STT3A: variants seen among roughly 807,000 people sequenced by gnomAD.
STT3A encodes the protein dolichyl-diphosphooligosaccharide--protein glycosyltransferase subunit STT3A.
Under a neutral mutation model 89.2 loss-of-function variants are expected in STT3A, and 34 were observed. That is an observed-to-expected ratio of 0.38 (90% CI 0.29 to 0.51). The LOEUF (loss-of-function observed/expected upper bound fraction) is 0.51. Ranked by LOEUF, STT3A falls within the 20% of genes least tolerant of loss-of-function variation. STT3A has a pLI of 0.89. For synonymous variants in STT3A, 282 were observed against 310.3 expected, an observed-to-expected ratio of 0.91 and a Z score of 0.96; for missense variants, 555 against 889.5, an observed-to-expected ratio of 0.62 and a Z score of 4.78.
chr11:125,593,877 C>T (rs1021699825), intron 1 of STT3A, among the ~76,000 whole-genome samples: 1 of 152,020 alleles, frequency 6.6e-6, no homozygotes. Context: ...TTTTGTTTTT[C>T]TCCTTTATTC....
intron 10 of STT3A, among the ~76,000 whole-genome samples, chr11:125,610,553 T>TA (rs34820682): frequency 2.0e-5 from 3 of 151,142 alleles, no homozygotes; most frequent in Admixed American, 2.0e-4. Context: ...ACCCACGTCT[T>TA]AAAAAAAACA....
At position 125,620,904 on chromosome 11, in the gene STT3A, G is replaced by C; in HGVS notation, c.*94G>C. On this transcript the variant is annotated 3_prime_UTR_variant, in exon 18 of 18. Transcript: ENST00000392708. Reference sequence around the variant, plus strand: ...TTTTTTTTTTTTTAATATGCAGTTTGTAAGAACAAAACTGGATGGCATCAG... The same window carrying C: ...TTTTTTTTTTTTTAATATGCAGTTTCTAAGAACAAAACTGGATGGCATCAG... 9.4e-7 allele frequency: 1 copy of C among 1,062,864 alleles called. No individual in the cohort carries two copies. The highest frequency in any genetic ancestry group is 1.6e-5 in the South Asian group (1 of 63,936). The allele number at this position is 1,062,864 out of a possible 1,614,324, so 65.8% of individuals were successfully genotyped here.
intron 7 of STT3A, 103 bp from the exon 8 acceptor site, chr11:125,606,198 C>T: frequency 2.7e-6 from 3 of 1,099,336 alleles, no homozygotes; most frequent in South Asian, 3.1e-5. Flanking sequence ...GTTATAGTTA[C>T]TATAAGTGTT....
intron 16 of STT3A, 43 bp from the exon 17 acceptor site, chr11:125,619,968 T>C (rs765629128): frequency 9.2e-6 from 14 of 1,517,062 alleles, no homozygotes; most frequent in Middle Eastern, 1.7e-4. Context: ...TCTAGGAAAT[T>C]AGCACTGTAG....
At chr11:125,611,365 C>T in intron 10 of STT3A, 63 bp from the exon 11 acceptor site, 1 of 1,295,374 alleles carries the variant, frequency 7.7e-7, no homozygotes, top group Non-Finnish European at 1.1e-6. Context: ...AATGAAGATA[C>T]TTTACCTTGT....
chr11:125,613,221 G>A lies in STT3A; in HGVS notation c.1554+44G>A, dbSNP rs1430369672. 5.6e-6 allele frequency: 9 copies of A among 1,600,514 alleles called. No individual in the cohort carries two copies. In the Admixed American group the frequency reaches 1.0e-4, roughly 18 times the overall value. On this transcript the variant is annotated intron_variant, in intron 13 of 17. Transcript: ENST00000392708. This position sits in a 1 kb window ranked among gnomAD's most constrained non-coding sequence, Gnocchi z 4.2. ...TGGGAATTGTGGGTTAGGGGCAAAG[G>A]GGAAGACATTTGATGTTACAGTGAA...
At chr11:125,612,862 A>T in intron 12 of STT3A, 115 bp downstream of exon 12, 1 of 1,513,540 alleles carries the variant, frequency 6.6e-7, no homozygotes, top group South Asian at 1.3e-5. Flanking sequence ...AGGTGGTCAG[A>T]ATTAACTCAT....
upstream of STT3A, chr11:125,592,766 G>A (rs1184276888): frequency 7.1e-6 from 2 of 279,820 alleles, no homozygotes; most frequent in South Asian, 2.9e-5. Flanking sequence ...AGACAGTTCC[G>A]AGACCCTATC....
At chr11:125,602,679 T>C (rs2135917663) in intron 4 of STT3A, 124 bp from the exon 5 acceptor site, 3 of 1,317,974 alleles carry the variant, frequency 2.3e-6, no homozygotes, top group Non-Finnish European at 3.2e-6. Flanking sequence ...GCAGTTGCTA[T>C]GTTAGTATTT....
chr11:125,593,136 G>A (rs1323702739), intron 1 of STT3A: 1 of 153,230 alleles, frequency 6.5e-6, no homozygotes, highest in Non-Finnish European at 1.5e-5. Flanking sequence ...CTTGAGAACA[G>A]AGCGTGGGAA....
At chr11:125,602,044 G>A (rs1035645529) in intron 3 of STT3A, among the ~76,000 whole-genome samples, 1 of 152,068 alleles carries the variant, frequency 6.6e-6, no homozygotes, top group Non-Finnish European at 1.5e-5. Context: ...TGATCCACCT[G>A]CCTCGGACTC....
Position 125,609,507 on chromosome 11 carries a change from C to T in STT3A, c.1035C>T (p.Ile345=). 1 of 1,614,188 alleles carries T rather than the reference C, an allele frequency of 6.2e-7. No homozygotes were observed. Among genetic ancestry groups the T allele is most frequent in the South Asian group, 1.1e-5 (1 of 91,088 alleles). Residue 345 remains isoleucine, a synonymous_variant, in exon 10 of 18, where the codon ATC becomes ATT. Transcript: ENST00000392708. ...CTTATGCTAAGAACAACATCCCCATCATTGCTTCTGTGTCTGAGCATCAGC... is the reference window on the plus strand; with the variant it reads ...CTTATGCTAAGAACAACATCCCCATTATTGCTTCTGTGTCTGAGCATCAGC... ...DPSYAKNNIP[I]IASVSEHQPT... is the part of the protein sequence containing the mutation.
intron 8 of STT3A, 41 bp downstream of exon 8, chr11:125,606,506 T>A (rs1176170375): frequency 2.5e-6 from 4 of 1,580,458 alleles, no homozygotes; most frequent in African/African-American, 1.4e-5. Flanking sequence ...TTCTACTTTT[T>A]CTATGCAGCC....
At chr11:125,609,889 C>T (rs575602838) in intron 10 of STT3A, 19 of 315,452 alleles carry the variant, frequency 6.0e-5, no homozygotes, top group Non-Finnish European at 9.3e-5. Context: ...GTACTTCTGT[C>T]GTACTCCTTC....
intron 15 of STT3A, among the ~76,000 whole-genome samples, chr11:125,616,194 C>T (rs1191894647): frequency 6.6e-6 from 1 of 152,166 alleles, no homozygotes; most frequent in Non-Finnish European, 1.5e-5. Context: ...CACCCCTCAC[C>T]AGGATACCAG....
Position 125,604,145 on chromosome 11 carries a change from T to C in STT3A, c.418-12T>C. On this transcript the variant is annotated splice_polypyrimidine_tract_variant and intron_variant, in intron 5 of 17. Transcript: ENST00000392708. The stretch of plus-strand genomic sequence containing the variant: ...TTGGTGTTAATGTCTTATTACCCTT[T>C]TTTTCTTACAGGATGCAGGGGCTGG... 1 of 1,613,830 alleles carries C rather than the reference T, an allele frequency of 6.2e-7. No homozygotes were observed. The highest frequency in any genetic ancestry group is 8.5e-7 in the Non-Finnish European group (1 of 1,179,774).
rs1940372233 is a variant in STT3A at position 125,622,335 on chromosome 11, T to C, written c.*1525T>C. On this transcript the variant is annotated 3_prime_UTR_variant, in exon 18 of 18. Coordinates refer to ENST00000392708, the MANE Select transcript of STT3A (RefSeq NM_152713.5). The stretch of plus-strand genomic sequence containing the variant: ...TTTAGCCTCAAGATTTGATTTACTA[T>C]ATGTAAGTACATTACTTGATTTCTA... 6.6e-6 allele frequency: 1 copy of C among 152,238 alleles called. No homozygotes were observed. Among genetic ancestry groups the C allele is most frequent in the Non-Finnish European group, 1.5e-5 (1 of 68,038 alleles). The allele number at this position is 152,238 out of a possible 1,614,324, so 9.4% of individuals were successfully genotyped here. A position where few individuals can be genotyped will look rare whatever the true frequency, so the allele number is the denominator to read the frequency against.
At position 125,620,837 on chromosome 11, in the gene STT3A, C is replaced by T. The variant is rs753443517; in HGVS notation, c.*27C>T. On this transcript the variant is annotated 3_prime_UTR_variant, in exon 18 of 18. Coordinates refer to ENST00000392708, the MANE Select transcript of STT3A (RefSeq NM_152713.5). ...TGTCACGTCCAGCTCTGATATGCTT[C>T]GCACTGAGCACATCACATTTAGGAC... 1.9e-6 allele frequency: 3 copies of T among 1,576,678 alleles called. No homozygotes were observed. Among genetic ancestry groups the T allele is most frequent in the East Asian group, 2.2e-5 (1 of 44,570 alleles).
Position 125,618,459 on chromosome 11 carries a change from A to C in STT3A, c.1861A>C (p.Thr621Pro). 1.2e-6 allele frequency: 2 copies of C among 1,614,098 alleles called. No homozygotes were observed. Among genetic ancestry groups the C allele is most frequent in the Non-Finnish European group, 1.7e-6 (2 of 1,180,022 alleles). The change falls in exon 16 of 18, where the codon ACT (threonine) becomes CCT (proline). Residue 621 changes from threonine to proline, a missense_variant. Transcript: ENST00000392708. ...CAAGGAGAATGACTATTATACTCCA[A>C]CTGGGGAGTTCCGTGTGGACCGTGA... ...HIKENDYYTP[T>P]GEFRVDREGS...
Sources: allele counts gnomAD v4.1 joint callset (sites outside exome capture counted in the v4.1 genomes callset), GRCh38; gene constraint gnomAD v4.1.1; non-coding constraint Gnocchi (gnomAD v3.1); transcripts MANE v1.5; gene names NCBI Gene and HGNC (gene_info 2026-07-23, HGNC 2026-07-21).